RASGRP3: variants seen among roughly 807,000 people sequenced by gnomAD.
The protein encoded by RASGRP3 is RAS guanyl releasing protein 3.
Under a neutral mutation model 82.7 loss-of-function variants are expected in RASGRP3, and 54 were observed. The ratio of observed to expected loss-of-function variants is 0.65; its 90% CI spans 0.52 to 0.82. RASGRP3 has a LOEUF of 0.82. Ranked by LOEUF, RASGRP3 falls within the 40% of genes least tolerant of loss-of-function variation. The probability of loss-of-function intolerance (pLI) is 0.00; values close to 1 mark genes in which losing one functional copy is unlikely to be tolerated. For missense variants in RASGRP3, 861 were observed against 828.9 expected, an observed-to-expected ratio of 1.04 and a Z score of -0.48; for synonymous variants, 309 against 300.5, an observed-to-expected ratio of 1.03 and a Z score of -0.29.
At chr2:33,473,943 C>G (rs1185356301), upstream of RASGRP3, among the ~76,000 whole-genome samples, 3 of 152,154 alleles carry the variant, frequency 2.0e-5, no homozygotes, top group Non-Finnish European at 4.4e-5. Context: ...AGGCATTAGA[C>G]TCTCATAAGG....
intron 1 of RASGRP3, among the ~76,000 whole-genome samples, chr2:33,498,127 T>C (rs34719322): frequency 0.021 from 3,260 of 152,244 alleles, 61 homozygotes; most frequent in South Asian, 0.029. Flanking sequence ...ATTGCATCCC[T>C]CAGTAGAGGG....
chr2:33,534,685 C>T (rs1673428511), intron 11 of RASGRP3, among the ~76,000 whole-genome samples: 2 of 147,234 alleles, frequency 1.4e-5, no homozygotes, highest in East Asian at 2.0e-4. Context: ...CACACTGCCA[C>T]ACCCAGCAAT....
At chr2:33,523,358 A>T (rs1312230251) in intron 7 of RASGRP3, among the ~76,000 whole-genome samples, 5 of 151,920 alleles carry the variant, frequency 3.3e-5, no homozygotes, top group African/African-American at 1.2e-4. Flanking sequence ...CCAGCTACTC[A>T]GGAGGCTGAG....
intron 5 of RASGRP3, 138 bp downstream of exon 5, chr2:33,520,152 G>A (rs1307498626): frequency 2.9e-6 from 2 of 693,032 alleles, no homozygotes; most frequent in African/African-American, 3.6e-5. Flanking sequence ...GTTAAAATTG[G>A]CTCTCCTCTG....
In RASGRP3 at chr2:33,563,794, A is replaced by G. The variant is rs969224434; in HGVS notation, c.*1057A>G. On this transcript the variant is annotated 3_prime_UTR_variant, in exon 18 of 18. Transcript: ENST00000403687. ...CATAGAAAGAAAATAATCATAAATC[A>G]TATTTGATTAACATTTCATTTAAGC... 3 of 152,314 alleles carry G rather than the reference A, an allele frequency of 2.0e-5. No individual in the cohort carries two copies. Among genetic ancestry groups the G allele is most frequent in the Middle Eastern group, 3.4e-3 (1 of 294 alleles). The allele number at this position is 152,314 out of a possible 1,614,324, so 9.4% of individuals were successfully genotyped here.
intron 1 of RASGRP3, among the ~76,000 whole-genome samples, chr2:33,501,386 T>C (rs1428090741): frequency 6.6e-6 from 1 of 152,198 alleles, no homozygotes; most frequent in Non-Finnish European, 1.5e-5. Context: ...GCTATGAACA[T>C]TTTTCAATTC....
intron 15 of RASGRP3, among the ~76,000 whole-genome samples, chr2:33,557,690 A>G (rs1453476962): frequency 2.6e-5 from 4 of 151,240 alleles, no homozygotes; most frequent in Admixed American, 2.6e-4. Context: ...AGCCTGGGCA[A>G]TAGAGCGAGA....
intron 1 of RASGRP3, among the ~76,000 whole-genome samples, chr2:33,486,164 A>AT (rs11288449): frequency 1.4e-3 from 188 of 135,692 alleles, no homozygotes; most frequent in South Asian, 6.2e-3. Flanking sequence ...TCTTTTATTT[A>AT]TTTTTTTTTT....
At chr2:33,538,514 A>T (rs1258537809) in intron 11 of RASGRP3, among the ~76,000 whole-genome samples, 1 of 151,610 alleles carries the variant, frequency 6.6e-6, no homozygotes, top group Non-Finnish European at 1.5e-5. Context: ...AAATAAATAA[A>T]TAAATAAATA....
intron 10 of RASGRP3, among the ~76,000 whole-genome samples, chr2:33,529,670 C>T (rs1672924410): frequency 1.3e-5 from 2 of 152,008 alleles, no homozygotes; most frequent in South Asian, 4.2e-4. Flanking sequence ...AGTGTAGTGG[C>T]AAAATCCTAG....
intron 4 of RASGRP3, among the ~76,000 whole-genome samples, chr2:33,518,121 G>A (rs1308882813): frequency 6.6e-6 from 1 of 152,128 alleles, no homozygotes; most frequent in Non-Finnish European, 1.5e-5. Flanking sequence ...TACATTCTAA[G>A]AAATTCATCA....
At position 33,555,525 on chromosome 2, in the gene RASGRP3, T is replaced by C; in HGVS notation, c.1543-6T>C. On this transcript the variant is annotated splice_polypyrimidine_tract_variant and splice_region_variant and intron_variant, in intron 14 of 17. Transcript: ENST00000403687. Reference sequence around the variant, plus strand: ...TTCCCTGACATTCCTTTGTCTTTTGTTACAGCTCTGGGGCATAATCAAGCA... The same window carrying C: ...TTCCCTGACATTCCTTTGTCTTTTGCTACAGCTCTGGGGCATAATCAAGCA... The C allele has an allele frequency of 6.3e-7, 1 of 1,595,464 alleles. No homozygotes were observed. Among genetic ancestry groups the C allele is most frequent in the Non-Finnish European group, 8.6e-7 (1 of 1,166,218 alleles).
chr2:33,553,404 C>T (rs1288577515), intron 14 of RASGRP3, among the ~76,000 whole-genome samples: 10 of 152,140 alleles, frequency 6.6e-5, no homozygotes, highest in Non-Finnish European at 7.4e-5. Context: ...GTATAAAGAG[C>T]CTAACTGTGC....
intron 4 of RASGRP3, among the ~76,000 whole-genome samples, chr2:33,519,012 AATAC>A (rs1671738959): frequency 6.6e-6 from 1 of 152,244 alleles, no homozygotes; most frequent in South Asian, 2.1e-4. Flanking sequence ...TAATATAGTA[AATAC>A]ATAAACCAAT....
In RASGRP3 at chr2:33,564,439, A is replaced by ACTAT. The variant is rs1353513430; in HGVS notation, c.*1706_*1709dup. The ACTAT allele has an allele frequency of 6.6e-6, 1 of 152,246 alleles. No homozygotes were observed. Among genetic ancestry groups the ACTAT allele is most frequent in the Admixed American group, 6.5e-5 (1 of 15,280 alleles). The allele number at this position is 152,246 out of a possible 1,614,324, so 9.4% of individuals were successfully genotyped here. On this transcript the variant is annotated 3_prime_UTR_variant, in exon 18 of 18. Coordinates refer to ENST00000403687, the MANE Select transcript of RASGRP3 (RefSeq NM_001139488.2). The stretch of plus-strand genomic sequence containing the variant: ...TAGATGTTGGTTTCATGTATATTAC[A>ACTAT]CTATCTACTACTATCCATAAATGCA...
At chr2:33,465,306 G>A (rs10183077) in intron 2 of RASGRP3, among the ~76,000 whole-genome samples, 4,314 of 152,174 alleles carry the variant, frequency 0.028, 205 homozygotes, top group African/African-American at 0.098. Flanking sequence ...TTCAATTCTC[G>A]GAAGGCTGAG....
chr2:33,527,510 A>G, intron 10 of RASGRP3, 98 bp downstream of exon 10: 3 of 1,328,844 alleles, frequency 2.3e-6, no homozygotes, highest in Non-Finnish European at 3.1e-6. Flanking sequence ...ATTCTGGGGG[A>G]AAATTGGTTT....
intron 2 of RASGRP3, among the ~76,000 whole-genome samples, chr2:33,468,454 T>G (rs190268722): frequency 1.3e-5 from 2 of 152,112 alleles, no homozygotes; most frequent in Non-Finnish European, 2.9e-5. Flanking sequence ...CAGGCTGGAG[T>G]GCAGTGGCAT....
chr2:33,447,082 G>A (rs2150879320), intron 1 of RASGRP3, among the ~76,000 whole-genome samples: 1 of 149,668 alleles, frequency 6.7e-6, no homozygotes, highest in South Asian at 2.2e-4. Context: ...CTCCAGCCTG[G>A]GTGACAGAGC....
Sources: gnomAD v4.1 joint callset for allele counts (sites outside exome capture counted in the v4.1 genomes callset) on GRCh38, gnomAD v4.1.1 for gene constraint, MANE v1.5 for transcripts, NCBI Gene and HGNC (gene_info 2026-07-23, HGNC 2026-07-21) for gene names.